PKD1L1: variants seen among roughly 807,000 people sequenced by gnomAD.
PKD1L1 encodes the protein polycystin-1-like protein 1.
PKD1L1 carries 236 observed loss-of-function variants against 323.4 expected under a neutral mutation model. That is an observed-to-expected ratio of 0.73 (90% CI 0.66 to 0.81). PKD1L1 has a LOEUF of 0.81. Among genes scored for constraint, PKD1L1 ranks in the 40% least tolerant of loss-of-function variants. The pLI is 0.00. For missense variants in PKD1L1, 3,320 were observed against 3,508.0 expected, an observed-to-expected ratio of 0.95 and a Z score of 1.35; for synonymous variants, 1,344 against 1,335.0, an observed-to-expected ratio of 1.01 and a Z score of -0.15.
rs1316039752 is a variant in PKD1L1, at chr7:47,834,993, C to T, written c.6101G>A (p.Gly2034Glu). 1 of 1,613,918 alleles carries T rather than the reference C, an allele frequency of 6.2e-7. No individual in the cohort carries two copies. Among genetic ancestry groups the T allele is most frequent in the Admixed American group, 1.7e-5 (1 of 60,020 alleles). The change falls in exon 39 of 57, where the codon GGA (glycine) becomes GAA (glutamate). Residue 2034 changes from glycine to glutamate, a missense_variant. Gly to Glu is a moderately conservative substitution (Grantham distance 98). Transcript: ENST00000289672. ...ATGGGGTGCCTCGGTCTGTGCTCCTCCTCTAAGTGGGCTGTGTGGCTCCAC... is the reference window on the plus strand; with the variant it reads ...ATGGGGTGCCTCGGTCTGTGCTCCTTCTCTAAGTGGGCTGTGTGGCTCCAC... ...ARVEPHSPLR[G>E]GAQTEAPHGP...
At chr7:47,853,930 A>G (rs1785842266) in intron 30 of PKD1L1, among the ~76,000 whole-genome samples, 2 of 152,286 alleles carry the variant, frequency 1.3e-5, no homozygotes, top group African/African-American at 2.4e-5. Context: ...GTTTGTGTTA[A>G]CTCTTTACCG....
chr7:47,822,888 A>G (rs1785174812), intron 45 of PKD1L1, among the ~76,000 whole-genome samples: 1 of 151,314 alleles, frequency 6.6e-6, no homozygotes, highest in Non-Finnish European at 1.5e-5. Flanking sequence ...TAGGAATATA[A>G]TTTACTTTTT....
At chr7:47,802,969 G>C (rs536498016) in intron 53 of PKD1L1, among the ~76,000 whole-genome samples, 27 of 152,318 alleles carry the variant, frequency 1.8e-4, no homozygotes, top group African/African-American at 6.5e-4. Context: ...ATAACATGCT[G>C]TTGTAAGGTA....
At chr7:47,873,395 T>A (rs1786325531) in intron 24 of PKD1L1, among the ~76,000 whole-genome samples, 2 of 152,046 alleles carry the variant, frequency 1.3e-5, no homozygotes, top group Admixed American at 6.6e-5. Flanking sequence ...ACACCTGTAA[T>A]CCCAGCATTT....
chr7:47,938,797 A>T lies in PKD1L1; in HGVS notation c.285+1396T>A, dbSNP rs192896609. Among the ~76,000 whole-genome samples, 241 of 152,256 alleles carry T rather than the reference A, an allele frequency of 1.6e-3. 1 individual carries two copies. Among genetic ancestry groups the T allele is most frequent in the African/African-American group, 5.5e-3 (230 of 41,562 alleles). ...TCCCAGGTGGCTGAACCTTGGAGTC[A>T]CCTGGGTGGGGTGGGGTTGAAGCAC... On this transcript the variant is annotated intron_variant, in intron 3 of 56. Coordinates refer to ENST00000289672, the MANE Select transcript of PKD1L1 (RefSeq NM_138295.5).
At chr7:47,881,575 C>T (rs975651415) in intron 20 of PKD1L1, among the ~76,000 whole-genome samples, 1 of 152,140 alleles carries the variant, frequency 6.6e-6, no homozygotes, top group Admixed American at 6.5e-5. Context: ...TTCATTTTGA[C>T]CAATTCATGT....
At chr7:47,921,229 G>C (rs1787528776) in intron 7 of PKD1L1, among the ~76,000 whole-genome samples, 2 of 60,950 alleles carry the variant, frequency 3.3e-5, no homozygotes, top group South Asian at 1.0e-3. Context: ...GACATGAATA[G>C]ACAATTCTCA....
In PKD1L1 at chr7:47,833,294, C is replaced by T. The variant is rs781206926; in HGVS notation, c.6175-42G>A. ...ATGCCAAGGTTAATATCTCCACAGA[C>T]AGGGCTTCACACGTGACGCTCAACA... is the stretch of plus-strand genomic sequence containing the variant. On this transcript the variant is annotated intron_variant, in intron 40 of 56. Coordinates refer to ENST00000289672, the MANE Select transcript of PKD1L1 (RefSeq NM_138295.5). 3 of 1,590,164 alleles carry T rather than the reference C, an allele frequency of 1.9e-6. No individual in the cohort carries two copies. In the South Asian group the frequency reaches 3.4e-5, roughly 18 times the overall value.
Position 47,845,005 on chromosome 7 carries a change from T to C in PKD1L1, c.5227A>G (p.Lys1743Glu), listed in dbSNP as rs1583615396. Reference protein sequence around the residue: ...KASFEVSDISKLQSHPENLLP... With the variant: ...KASFEVSDISELQSHPENLLP... ...GGAAATGGAACTTACCTCTGTAGCT[T>C]GGAAATGTCACTCACTTCAAAACTG... Residue 1743 changes from lysine to glutamate, a missense_variant, in exon 33 of 57, where the codon AAG becomes GAG. Transcript: ENST00000289672. The C allele has an allele frequency of 6.2e-7, 1 of 1,613,454 alleles. No homozygotes were observed.
intron 9 of PKD1L1, 32 bp downstream of exon 9, chr7:47,908,045 G>A: frequency 6.2e-7 from 1 of 1,604,406 alleles, no homozygotes; most frequent in Non-Finnish European, 8.5e-7. Flanking sequence ...TAGTTGAAGT[G>A]TGCTTGCTCA....
In PKD1L1 at chr7:47,812,882, CA is replaced by C. The variant is rs529823911; in HGVS notation, c.7346+238del. On this transcript the variant is annotated intron_variant, in intron 49 of 56. Transcript: ENST00000289672. ...ATTCCATGAGCTACAGATGTTCTAG[CA>C]ACCACTTTTTGAAAGAACGTTTGCT... Among the ~76,000 whole-genome samples, 695 of 152,348 alleles carry C rather than the reference CA, an allele frequency of 4.6e-3. 7 individuals are homozygous for C. The highest frequency in any genetic ancestry group is 0.016 in the African/African-American group (647 of 41,578).
intron 26 of PKD1L1, among the ~76,000 whole-genome samples, chr7:47,860,911 T>C (rs1472125052): frequency 6.6e-6 from 1 of 152,154 alleles, no homozygotes; most frequent in African/African-American, 2.4e-5. Flanking sequence ...CCCAGGTCCC[T>C]CGAGTCCAGG....
chr7:47,808,020 G>C (rs1784816888), intron 52 of PKD1L1, among the ~76,000 whole-genome samples: 1 of 152,162 alleles, frequency 6.6e-6, no homozygotes, highest in Admixed American at 6.5e-5. Context: ...CCAGGCTCTT[G>C]AGTTCTGCTC....
Position 47,870,917 on chromosome 7 carries a change from G to C in PKD1L1, c.3896+2982C>G, listed in dbSNP as rs559432056. 6.2e-5 allele frequency among the ~76,000 whole-genome samples: 9 copies of C among 145,748 alleles called. No homozygotes were observed. In the East Asian group the frequency reaches 1.6e-3, roughly 26 times the overall value. On this transcript the variant is annotated intron_variant, in intron 24 of 56. Transcript: ENST00000289672. ...GAGCCTAGGAGGTCAAGGCTGCAGTGAGCCATGATCATGCCACTGTACTCC... is the reference window on the plus strand; with the variant it reads ...GAGCCTAGGAGGTCAAGGCTGCAGTCAGCCATGATCATGCCACTGTACTCC...
chr7:47,910,863 T>TGTGTGTG (rs1554411357), intron 8 of PKD1L1, among the ~76,000 whole-genome samples: 19 of 151,040 alleles, frequency 1.3e-4, no homozygotes, highest in Middle Eastern at 3.4e-3. Context: ...TGTGTGTGTA[T>TGTGTGTG]TTTTAGTAGA....
intron 44 of PKD1L1, among the ~76,000 whole-genome samples, chr7:47,828,710 C>T (rs1346182926): frequency 6.6e-6 from 1 of 152,148 alleles, no homozygotes; most frequent in Non-Finnish European, 1.5e-5. Flanking sequence ...GCAGCAGCAG[C>T]CTTGGTTTTA....
chr7:47,932,182 C>T (rs754360356), intron 4 of PKD1L1, 126 bp from the exon 5 acceptor site: 105 of 1,410,522 alleles, frequency 7.4e-5, no homozygotes, highest in Non-Finnish European at 9.4e-5. Context: ...GCTGTGATTG[C>T]AGGCTCATTC....
intron 30 of PKD1L1, among the ~76,000 whole-genome samples, chr7:47,854,289 A>G (rs1437807888): frequency 3.3e-5 from 5 of 152,122 alleles, no homozygotes; most frequent in African/African-American, 1.2e-4. Context: ...TGCCACATAG[A>G]CTAAACACAC....
intron 9 of PKD1L1, among the ~76,000 whole-genome samples, chr7:47,907,150 C>T (rs56237141): frequency 0.044 from 6,642 of 152,272 alleles, 502 homozygotes; most frequent in African/African-American, 0.15. Flanking sequence ...ATATGTATGT[C>T]ATAACTTCTT....
Sources: gnomAD v4.1 joint callset for allele counts (sites outside exome capture counted in the v4.1 genomes callset) on GRCh38, gnomAD v4.1.1 for gene constraint, MANE v1.5 for transcripts, NCBI Gene and HGNC (gene_info 2026-07-23, HGNC 2026-07-21) for gene names.